The following IDO2 variants were observed in gnomAD, a reference collection of about 807,000 sequenced individuals.
The protein encoded by IDO2 is indoleamine 2,3-dioxygenase-like 1 protein.
A neutral mutation model predicts 45.1 loss-of-function variants in IDO2; 46 were observed. That is an observed-to-expected ratio of 1.02 (90% CI 0.80 to 1.30). The LOEUF (loss-of-function observed/expected upper bound fraction) is 1.30. Among genes scored for constraint, IDO2 ranks in the 50% most tolerant of loss-of-function variants. The pLI, the probability that IDO2 is intolerant of heterozygous loss-of-function variation, is 0.00. For missense variants in IDO2, 544 were observed against 491.8 expected, an observed-to-expected ratio of 1.11 and a Z score of -1.00; for synonymous variants, 218 against 184.9, an observed-to-expected ratio of 1.18 and a Z score of -1.45.
At chr8:40,013,673 C>T in exon 10 of IDO2, 1 of 1,613,652 alleles carries the variant, frequency 6.2e-7, no homozygotes, top group Non-Finnish European at 8.5e-7. Context: ...TGCTTCATGC[C>T]TTTGATGAGT....
chr8:39,991,092 G>C (rs2129594817), intron 8 of IDO2, among the ~76,000 whole-genome samples: 1 of 152,278 alleles, frequency 6.6e-6, no homozygotes, highest in East Asian at 1.9e-4. Context: ...GCTAGGTACT[G>C]CCAAGCTTTA....
At chr8:40,015,843 C>T (rs1352013180) in exon 11 of IDO2, 2 of 454,330 alleles carry the variant, frequency 4.4e-6, no homozygotes, top group Non-Finnish European at 7.7e-6. Context: ...ATGGATACTT[C>T]CTCATGCAGA....
At chr8:40,013,068 G>T (rs1205968507) in intron 9 of IDO2, among the ~76,000 whole-genome samples, 1 of 151,038 alleles carries the variant, frequency 6.6e-6, no homozygotes, top group African/African-American at 2.4e-5. Context: ...GAAGGGCAAA[G>T]GTGTGTGTGT....
chr8:39,986,875 A>ATTATTATTATTATTATTC (rs1427508219), intron 6 of IDO2: 1 of 149,654 alleles, frequency 6.7e-6, no homozygotes, highest in Non-Finnish European at 1.5e-5. Context: ...CATTATTATT[A>ATTATTATTATTATTATTC]TTATTATTAT....
chr8:39,998,588 T>G (rs1397196978), intron 8 of IDO2: 1 of 151,812 alleles, frequency 6.6e-6, no homozygotes, highest in Non-Finnish European at 1.5e-5. Flanking sequence ...GAGCTCTGTT[T>G]GCAGAACTCA....
chr8:39,938,095 T>G (rs1333910944), intron 1 of IDO2, among the ~76,000 whole-genome samples: 1 of 152,236 alleles, frequency 6.6e-6, no homozygotes, highest in Non-Finnish European at 1.5e-5. Context: ...ATAATTCATA[T>G]TTATATTACA....
In IDO2 at chr8:39,987,869, A is replaced by G. The variant is rs1205495915; in HGVS notation, c.450-2A>G. The G allele has an allele frequency of 6.3e-7, 1 of 1,592,670 alleles. No homozygotes were observed. The highest frequency in any genetic ancestry group is 1.1e-5 in the South Asian group (1 of 88,692). On this transcript the variant is annotated splice_acceptor_variant, in intron 6 of 10. Transcript: ENST00000502986. LOFTEE classifies it high-confidence loss of function. ...TAATCATGTGCTCCTCTCCTTCCCA[A>G]GGAACCTGGAGACCATCATCTCATT...
At chr8:40,004,571 TA>T (rs1378362862) in intron 8 of IDO2, among the ~76,000 whole-genome samples, 4 of 133,344 alleles carry the variant, frequency 3.0e-5, no homozygotes, top group Admixed American at 1.5e-4. Flanking sequence ...AGATAGACGA[TA>T]GATAGATAGA....
At chr8:39,935,603 C>G (rs547472008) in intron 1 of IDO2, among the ~76,000 whole-genome samples, 3 of 152,252 alleles carry the variant, frequency 2.0e-5, no homozygotes, top group African/African-American at 7.2e-5. Context: ...GCGCTCACCA[C>G]CACACCCTGC....
chr8:39,947,270 C>T (rs527980244), intron 1 of IDO2, among the ~76,000 whole-genome samples: 78 of 151,366 alleles, frequency 5.2e-4, no homozygotes, highest in Non-Finnish European at 9.4e-4. Flanking sequence ...AAAGACTTTC[C>T]TCCCCGTCTA....
intron 8 of IDO2, among the ~76,000 whole-genome samples, chr8:40,000,559 T>C (rs16888530): frequency 0.07 from 10,661 of 152,284 alleles, 574 homozygotes; most frequent in East Asian, 0.34. Flanking sequence ...ACATTGGTCA[T>C]ATAGACATAG....
In IDO2 at chr8:40,013,668, C is replaced by T. The variant is rs544075736; in HGVS notation, c.823C>T (p.His275Tyr). 3.1e-6 allele frequency: 5 copies of T among 1,613,794 alleles called. No individual in the cohort carries two copies. In the African/African-American group the frequency reaches 4.0e-5, roughly 13 times the overall value. ...GAGTGCAGCTCAGAGCACAGTGCTT[C>T]ATGCCTTTGATGAGTTCTTAGGCAT... Residue 275 changes from histidine (H) to tyrosine (Y), a missense_variant, in exon 10 of 11, where the codon CAT becomes TAT. Transcript: ENST00000502986.
exon 11 of IDO2, chr8:40,016,353 A>G (rs1328710208): frequency 2.5e-6 from 1 of 392,788 alleles, no homozygotes; most frequent in Non-Finnish European, 4.5e-6. Flanking sequence ...TAGTAAATCA[A>G]TGTGTTTAGT....
chr8:39,970,807 G>A (rs1247569801), intron 3 of IDO2, among the ~76,000 whole-genome samples: 18 of 126,866 alleles, frequency 1.4e-4, no homozygotes, highest in Admixed American at 1.0e-3. Context: ...TCACTCTGTC[G>A]CCAGGCTGGA....
intron 9 of IDO2, among the ~76,000 whole-genome samples, chr8:40,011,884 C>T (rs1170469144): frequency 6.6e-6 from 1 of 152,208 alleles, no homozygotes; most frequent in Admixed American, 6.5e-5. Context: ...TAGCTGCAGC[C>T]TGTCAGGGCC....
At chr8:39,968,438 G>GATGGATAT (rs1384130040) in intron 3 of IDO2, among the ~76,000 whole-genome samples, 2 of 152,146 alleles carry the variant, frequency 1.3e-5, no homozygotes, top group African/African-American at 4.8e-5. Context: ...GCACTCAGGT[G>GATGGATAT]ATGGATATAT....
At chr8:39,965,526 T>A (rs76604898) in intron 3 of IDO2, among the ~76,000 whole-genome samples, 6 of 151,774 alleles carry the variant, frequency 4.0e-5, no homozygotes, top group Non-Finnish European at 7.4e-5. Context: ...ATATATATAT[T>A]AAAATACAAA....
intron 9 of IDO2, among the ~76,000 whole-genome samples, chr8:40,008,970 TG>T (rs1204108090): frequency 4.6e-5 from 7 of 152,040 alleles, no homozygotes; most frequent in African/African-American, 9.7e-5. Context: ...TTTGCTTTTT[TG>T]TTCTTGATTT....
intron 8 of IDO2, among the ~76,000 whole-genome samples, chr8:39,991,565 CTTTTTTT>C (rs61354300): frequency 2.9e-5 from 3 of 103,332 alleles, no homozygotes; most frequent in African/African-American, 7.2e-5. Flanking sequence ...AGACTCACTT[CTTTTTTT>C]TTTTTTTTTT....
Sources: allele counts gnomAD v4.1 joint callset (sites outside exome capture counted in the v4.1 genomes callset), GRCh38; gene constraint gnomAD v4.1.1; transcripts MANE v1.5; gene names NCBI Gene and HGNC (gene_info 2026-07-23, HGNC 2026-07-21).